TRAF5: variants seen among roughly 807,000 people sequenced by gnomAD.
TRAF5 encodes TNF receptor-associated factor 5.
In TRAF5, 48 loss-of-function variants were observed where a neutral mutation model predicts 64.5. The observed-to-expected ratio is 0.74, with a 90% CI of 0.59 to 0.95. TRAF5 has a LOEUF of 0.95. TRAF5 is among the 40% of genes least tolerant of loss of function. The probability of loss-of-function intolerance (pLI) is 0.00; values close to 1 mark genes in which losing one functional copy is unlikely to be tolerated. For missense variants in TRAF5, 545 were observed against 662.8 expected, an observed-to-expected ratio of 0.82 and a Z score of 1.95; for synonymous variants, 206 against 240.5, an observed-to-expected ratio of 0.86 and a Z score of 1.33.
chr1:211,369,012 G>A (rs1439589215), intron 8 of TRAF5: 3 of 152,600 alleles, frequency 2.0e-5, no homozygotes, highest in African/African-American at 7.2e-5. Context: ...GTTTTATTTT[G>A]TTTTAAGAGA....
At chr1:211,354,148 A>C (rs1702884811) in intron 2 of TRAF5, among the ~76,000 whole-genome samples, 1 of 152,196 alleles carries the variant, frequency 6.6e-6, no homozygotes, top group Non-Finnish European at 1.5e-5. Context: ...CGTGATAAAC[A>C]AAGGACAGGG....
chr1:211,350,755 G>A (rs1336796409), intron 1 of TRAF5, among the ~76,000 whole-genome samples: 1 of 152,198 alleles, frequency 6.6e-6, no homozygotes, highest in African/African-American at 2.4e-5. Context: ...AGAGGTTTCT[G>A]ACAGTTCTGG....
At chr1:211,364,301 G>T (rs1241039329) in intron 7 of TRAF5, among the ~76,000 whole-genome samples, 1 of 152,230 alleles carries the variant, frequency 6.6e-6, no homozygotes, top group Non-Finnish European at 1.5e-5. Flanking sequence ...TTAAAATCAG[G>T]TGGCATTCCT....
intron 2 of TRAF5, among the ~76,000 whole-genome samples, chr1:211,354,096 C>T (rs1389582585): frequency 2.6e-5 from 4 of 152,340 alleles, no homozygotes; most frequent in Admixed American, 6.5e-5. Context: ...CCATGTCTGC[C>T]CTCTAGAATG....
chr1:211,338,271 G>A (rs1373178876), intron 1 of TRAF5, among the ~76,000 whole-genome samples: 8 of 152,196 alleles, frequency 5.3e-5, no homozygotes, highest in African/African-American at 1.9e-4. Context: ...CTGGGGTAAG[G>A]TGTCCAAGCT....
chr1:211,340,261 G>A (rs1177718369), intron 1 of TRAF5, among the ~76,000 whole-genome samples: 2 of 152,106 alleles, frequency 1.3e-5, no homozygotes, highest in Non-Finnish European at 2.9e-5. Flanking sequence ...TTCACTTTAC[G>A]AGTGTTTGTG....
At chr1:211,335,324 G>A (rs1021601568) in intron 1 of TRAF5, among the ~76,000 whole-genome samples, 1 of 152,070 alleles carries the variant, frequency 6.6e-6, no homozygotes, top group Non-Finnish European at 1.5e-5. Context: ...TGCAAACGTG[G>A]GCTGCTGTGT....
At position 211,372,150 on chromosome 1, in the gene TRAF5, C is replaced by T; in HGVS notation, c.1122C>T (p.Asn374=). The stretch of plus-strand genomic sequence containing the variant: ...CAGCCGTTTTAGAAGAGGAAACTAA[C>T]AAACATGATACCCACATTAATATTC... ...QRLAVLEEET[N]KHDTHINIHK... is the part of the protein sequence containing the mutation. Residue 374 remains asparagine, a synonymous_variant, in exon 11 of 11, where the codon AAC becomes AAT. Coordinates refer to ENST00000261464, the MANE Select transcript of TRAF5 (RefSeq NM_001033910.3). 1.3e-6 allele frequency: 2 copies of T among 1,509,822 alleles called. No homozygotes were observed. Among genetic ancestry groups the T allele is most frequent in the Non-Finnish European group, 1.8e-6 (2 of 1,122,926 alleles). 93.5% of individuals were successfully genotyped at this position (1,509,822 alleles called of 1,614,324 possible).
intron 1 of TRAF5, among the ~76,000 whole-genome samples, chr1:211,333,346 G>A (rs915167917): frequency 8.6e-5 from 13 of 151,614 alleles, no homozygotes; most frequent in Admixed American, 2.6e-4. Context: ...CTGCCACCAT[G>A]CCTGGCTATG....
At chr1:211,355,552 G>A (rs1702934272) in intron 3 of TRAF5, among the ~76,000 whole-genome samples, 1 of 152,090 alleles carries the variant, frequency 6.6e-6, no homozygotes, top group Admixed American at 6.5e-5. Context: ...CTCCTTATGA[G>A]GTGTTTTGCA....
intron 7 of TRAF5, among the ~76,000 whole-genome samples, chr1:211,363,771 G>C (rs2102762331): frequency 6.6e-6 from 1 of 152,192 alleles, no homozygotes; most frequent in East Asian, 1.9e-4. Flanking sequence ...AATCAGCCAG[G>C]TGTGGTGGCG....
At chr1:211,350,320 TC>T (rs10717162) in intron 1 of TRAF5, among the ~76,000 whole-genome samples, 139,084 of 151,274 alleles carry the variant, frequency 0.92, 64,178 homozygotes, top group Middle Eastern at 0.98. Context: ...GCTCAAGTGA[TC>T]CCCCCCTGCC....
chr1:211,372,328 T>C lies in TRAF5; in HGVS notation c.1300T>C (p.Tyr434His), dbSNP rs761490975. 3.1e-6 allele frequency: 5 copies of C among 1,614,050 alleles called. No individual in the cohort carries two copies. The highest frequency in any genetic ancestry group is 1.3e-5 in the African/African-American group (1 of 74,922). Residue 434 changes from tyrosine to histidine, a missense_variant, in exon 11 of 11, where the codon TAC becomes CAC. Physicochemically the swap from Tyr to His is moderately conservative, Grantham distance 83. Coordinates refer to ENST00000261464, the MANE Select transcript of TRAF5 (RefSeq NM_001033910.3). ...AGTGTCCATCTTCAGCCAGTCCTTC[T>C]ACACCAGCCGCTGTGGCTACCGGCT... ...HTVSIFSQSF[Y>H]TSRCGYRLCA...
At chr1:211,343,840 C>A (rs532406733) in intron 1 of TRAF5, among the ~76,000 whole-genome samples, 4 of 152,230 alleles carry the variant, frequency 2.6e-5, no homozygotes, top group South Asian at 4.1e-4. Flanking sequence ...GTACTCTGGC[C>A]TGGGGACTAA....
At chr1:211,342,680 C>A (rs1702480974) in intron 1 of TRAF5, among the ~76,000 whole-genome samples, 1 of 152,182 alleles carries the variant, frequency 6.6e-6, no homozygotes, top group Non-Finnish European at 1.5e-5. Flanking sequence ...CCTCTAGTAA[C>A]CATCCTTCTA....
At chr1:211,331,038 G>A (rs938433543) in intron 1 of TRAF5, among the ~76,000 whole-genome samples, 4 of 152,146 alleles carry the variant, frequency 2.6e-5, no homozygotes, top group African/African-American at 7.2e-5. Flanking sequence ...ACATTTGTCC[G>A]AGGCCGCCTC....
intron 1 of TRAF5, among the ~76,000 whole-genome samples, chr1:211,342,178 G>A (rs1702465560): frequency 1.3e-5 from 2 of 152,200 alleles, no homozygotes; most frequent in South Asian, 2.1e-4. Flanking sequence ...AATGAACATG[G>A]CTGTGTTCTA....
intron 1 of TRAF5, among the ~76,000 whole-genome samples, chr1:211,345,611 CTTGGGTGGGT>C (rs953440524): frequency 1.3e-5 from 2 of 152,200 alleles, no homozygotes; most frequent in Non-Finnish European, 2.9e-5. Flanking sequence ...ATTGGTGGGC[CTTGGGTGGGT>C]TTGGGGAATA....
intron 10 of TRAF5, 60 bp downstream of exon 10, chr1:211,371,530 C>T (rs1703522255): frequency 6.6e-7 from 1 of 1,517,792 alleles, no homozygotes; most frequent in Non-Finnish European, 9.0e-7. Context: ...GTTCATGAAA[C>T]AACCAAACAC....
Sources: gnomAD v4.1 joint callset for allele counts (sites outside exome capture counted in the v4.1 genomes callset) on GRCh38, gnomAD v4.1.1 for gene constraint, MANE v1.5 for transcripts, NCBI Gene and HGNC (gene_info 2026-07-23, HGNC 2026-07-21) for gene names.